The following CELF2 variants were observed in gnomAD, a reference collection of about 807,000 sequenced individuals.
CELF2 encodes CUGBP Elav-like family member 2, also known as CUG triplet repeat RNA-binding protein 2.
Under a neutral mutation model 62.6 loss-of-function variants are expected in CELF2, and 8 were observed. That is an observed-to-expected ratio of 0.13 (90% CI 0.07 to 0.23). The LOEUF (loss-of-function observed/expected upper bound fraction) is 0.23. Among genes scored for constraint, CELF2 ranks in the 10% least tolerant of loss-of-function variants. The probability of loss-of-function intolerance (pLI) is 1.00; values close to 1 mark genes in which losing one functional copy is unlikely to be tolerated. For synonymous variants in CELF2, 258 were observed against 250.0 expected (o/e 1.03, Z -0.30); for missense variants, 333 against 671.0 (o/e 0.50, Z 5.56).
intron 7 of CELF2, among the ~76,000 whole-genome samples, chr10:11,271,717 C>CTGTGTG (rs3064843): frequency 3.3e-5 from 5 of 150,864 alleles, no homozygotes; most frequent in African/African-American, 9.8e-5. Context: ...GAGGGTGTCT[C>CTGTGTG]TGTGTGTGTG....
At chr10:11,126,142 C>G (rs768790526) in intron 1 of CELF2, among the ~76,000 whole-genome samples, 3 of 152,184 alleles carry the variant, frequency 2.0e-5, no homozygotes, top group Admixed American at 2.0e-4. Flanking sequence ...AGGATGAGTT[C>G]ATTTACGATG....
At chr10:10,744,007 T>C in the CELF2 span, among the ~76,000 whole-genome samples, 1 of 152,232 alleles carries the variant, frequency 6.6e-6, no homozygotes, top group Non-Finnish European at 1.5e-5. Context: ...TGTTGTGTTC[T>C]ACCCAGATTT....
intron 1 of CELF2, among the ~76,000 whole-genome samples, chr10:10,816,165 A>G (rs897531565): frequency 2.6e-5 from 4 of 152,236 alleles, no homozygotes; most frequent in African/African-American, 4.8e-5. Flanking sequence ...TGGTAAGCAC[A>G]GAAGATTTTA....
At chr10:10,859,999 T>G (rs549092350) in intron 1 of CELF2, among the ~76,000 whole-genome samples, 52 of 152,254 alleles carry the variant, frequency 3.4e-4, no homozygotes, top group Non-Finnish European at 6.6e-4. Flanking sequence ...AAAATAAAAT[T>G]GGGAAAAATA....
the CELF2 span, among the ~76,000 whole-genome samples, chr10:10,539,696 C>T: frequency 0.01 from 1,593 of 152,302 alleles, 22 homozygotes; most frequent in African/African-American, 0.036. Flanking sequence ...GCACTGAGAA[C>T]GCCTCCCACT....
rs183142458 is a variant in CELF2, at chr10:11,243,237, G to A, written c.355-5916G>A. Among the ~76,000 whole-genome samples, 252 of 152,156 alleles carry A rather than the reference G, an allele frequency of 1.7e-3. 1 individual carries two copies. The highest frequency in any genetic ancestry group is 5.8e-3 in the African/African-American group (239 of 41,500). On this transcript the variant is annotated intron_variant, in intron 3 of 12. Transcript: ENST00000633077. This position sits in a 1 kb window ranked among gnomAD's most constrained non-coding sequence, Gnocchi z 4.1. ...TTCCTTCTCCCCGGGAGGGAGAAAG[G>A]GAAGGAGCCTTTGAAATTTCCCCTT...
At chr10:11,282,431 G>A (rs1277164936) in intron 8 of CELF2, among the ~76,000 whole-genome samples, 1 of 152,184 alleles carries the variant, frequency 6.6e-6, no homozygotes, top group African/African-American at 2.4e-5. Flanking sequence ...ACATGTAGGA[G>A]AGTCACAATG....
intron 1 of CELF2, among the ~76,000 whole-genome samples, chr10:10,908,175 T>C (rs1287362843): frequency 6.9e-6 from 1 of 144,286 alleles, no homozygotes; most frequent in African/African-American, 2.5e-5. Flanking sequence ...TGAGGGCTGA[T>C]AGCACTACCC....
chr10:11,225,063 G>C (rs185089295), intron 3 of CELF2, among the ~76,000 whole-genome samples: 1 of 152,292 alleles, frequency 6.6e-6, no homozygotes, highest in Non-Finnish European at 1.5e-5. Context: ...ATAGCATACA[G>C]GTGCCTGGGA....
At chr10:11,195,228 C>G (rs2057143284) in intron 2 of CELF2, among the ~76,000 whole-genome samples, 1 of 152,352 alleles carries the variant, frequency 6.6e-6, no homozygotes, top group South Asian at 2.1e-4. Flanking sequence ...TCTTGCGAGA[C>G]TATCCTCCAA....
the CELF2 span, among the ~76,000 whole-genome samples, chr10:10,564,666 A>ACG: frequency 7.0e-3 from 716 of 102,242 alleles, 5 homozygotes; most frequent in Middle Eastern, 9.2e-3. Context: ...ACACACACAC[A>ACG]CACACACGCA....
chr10:11,073,130 A>T (rs2070690717), intron 1 of CELF2, among the ~76,000 whole-genome samples: 1 of 152,192 alleles, frequency 6.6e-6, no homozygotes, highest in African/African-American at 2.4e-5. Context: ...TAGCAATAAT[A>T]CTTGAATTAT....
rs911364164 is a variant in CELF2 at position 11,267,364 on chromosome 10, T to C, written c.618+687T>C. On this transcript the variant is annotated intron_variant, in intron 6 of 12. Coordinates refer to ENST00000633077, the MANE Select transcript of CELF2 (RefSeq NM_001326342.2). This position sits in a 1 kb window ranked among gnomAD's most constrained non-coding sequence, Gnocchi z 4.4. Reference sequence around the variant, plus strand: ...GTGGATGCACACCCACGAACCTAGATAGATGGCTCTGTACTTTTAGTCTGT... The same window carrying C: ...GTGGATGCACACCCACGAACCTAGACAGATGGCTCTGTACTTTTAGTCTGT... Among the ~76,000 whole-genome samples, 1 of 152,222 alleles carries C rather than the reference T, an allele frequency of 6.6e-6. No homozygotes were observed. Among genetic ancestry groups the C allele is most frequent in the African/African-American group, 2.4e-5 (1 of 41,456 alleles).
chr10:10,644,644 C>G, the CELF2 span, among the ~76,000 whole-genome samples: 1 of 152,116 alleles, frequency 6.6e-6, no homozygotes, highest in East Asian at 1.9e-4. Flanking sequence ...TAGGAAGCTG[C>G]CAGCCATCTG....
chr10:11,314,473 A>G lies in CELF2; in HGVS notation c.1096+215A>G. On this transcript the variant is annotated intron_variant, in intron 10 of 12. Transcript: ENST00000633077. This position sits in a 1 kb window ranked among gnomAD's most constrained non-coding sequence, Gnocchi z 5.3. ...CACTCTCCACCCCCAGATTCTCTTC[A>G]GTGTGTAGCACAGCGCGTGTGCTCA... is the stretch of plus-strand genomic sequence containing the variant. 1 of 643,124 alleles carries G rather than the reference A, an allele frequency of 1.6e-6. No homozygotes were observed. The highest frequency in any genetic ancestry group is 2.8e-6 in the Non-Finnish European group (1 of 354,178). 39.8% of individuals were successfully genotyped at this position (643,124 alleles called of 1,614,324 possible).
intron 4 of CELF2, among the ~76,000 whole-genome samples, chr10:11,256,791 G>T (rs552780488): frequency 3.3e-5 from 5 of 151,942 alleles, no homozygotes; most frequent in African/African-American, 1.2e-4. Flanking sequence ...TGGAGATTTT[G>T]AGGAAAATCT....
At chr10:11,272,341 C>A (rs1201495951) in intron 7 of CELF2, among the ~76,000 whole-genome samples, 1 of 152,234 alleles carries the variant, frequency 6.6e-6, no homozygotes, top group Non-Finnish European at 1.5e-5. Flanking sequence ...ATGAGTCTAG[C>A]TTGACTATGA....
In CELF2 at chr10:11,246,234, A is replaced by G. The variant is rs2075567848; in HGVS notation, c.355-2919A>G. Among the ~76,000 whole-genome samples the G allele has an allele frequency of 6.6e-6, 1 of 152,004 alleles. No homozygotes were observed. On this transcript the variant is annotated intron_variant, in intron 3 of 12. Coordinates refer to ENST00000633077, the MANE Select transcript of CELF2 (RefSeq NM_001326342.2). The surrounding 1 kb of genome is among the most constrained non-coding windows in gnomAD (Gnocchi z 4.6). Reference sequence around the variant, plus strand: ...TGCACACTCCCTGTGGGCAGGAGCCATGTTCATTTCATTTTTGTGTCCCAG... The same window carrying G: ...TGCACACTCCCTGTGGGCAGGAGCCGTGTTCATTTCATTTTTGTGTCCCAG...
the CELF2 span, among the ~76,000 whole-genome samples, chr10:10,497,684 A>T: frequency 6.6e-6 from 1 of 152,194 alleles, no homozygotes; most frequent in Non-Finnish European, 1.5e-5. Flanking sequence ...GGGCAAGGCC[A>T]TGGAGCAGGG....
Sources: gnomAD v4.1 joint callset for allele counts (sites outside exome capture counted in the v4.1 genomes callset) on GRCh38, gnomAD v4.1.1 for gene constraint, Gnocchi (gnomAD v3.1) non-coding constraint, MANE v1.5 for transcripts, NCBI Gene and HGNC (gene_info 2026-07-23, HGNC 2026-07-21) for gene names.